Variants in MYO16 observed in about 807,000 individuals in gnomAD.
MYO16 encodes the protein myosin XVI, also known as unconventional myosin-XVI.
Under a neutral mutation model 205.3 loss-of-function variants are expected in MYO16, and 94 were observed. The observed-to-expected ratio is 0.46, with a 90% CI of 0.39 to 0.54. The LOEUF (loss-of-function observed/expected upper bound fraction) is 0.54. Ranked by LOEUF, MYO16 falls within the 20% of genes least tolerant of loss-of-function variation. The pLI is 0.00. For synonymous variants in MYO16, 988 were observed against 954.0 expected (o/e 1.04, Z -0.66); for missense variants, 2,315 against 2,387.5 (o/e 0.97, Z 0.63).
chr13:108,919,205 G>T (rs1466571699), intron 16 of MYO16, among the ~76,000 whole-genome samples: 3 of 152,210 alleles, frequency 2.0e-5, no homozygotes, highest in Non-Finnish European at 2.9e-5. Context: ...TTCTCCTGAG[G>T]CAGGGCAGGT....
chr13:109,166,280 T>C (rs776851905), intron 33 of MYO16, among the ~76,000 whole-genome samples: 10 of 152,170 alleles, frequency 6.6e-5, no homozygotes, highest in Non-Finnish European at 1.2e-4. Flanking sequence ...CAAATGGAAA[T>C]TCTGAAATTG....
At chr13:108,903,813 C>T (rs180724794) in intron 15 of MYO16, among the ~76,000 whole-genome samples, 5 of 152,276 alleles carry the variant, frequency 3.3e-5, no homozygotes, top group Admixed American at 3.3e-4. Flanking sequence ...AGTCAGTCCC[C>T]TGTAAAAGCA....
the MYO16 span, among the ~76,000 whole-genome samples, chr13:108,546,834 A>G: frequency 6.6e-6 from 1 of 152,224 alleles, no homozygotes; most frequent in South Asian, 2.1e-4. Context: ...TTTGCACAAC[A>G]TATTTCAGAA....
chr13:108,829,104 T>C (rs1393150940), intron 9 of MYO16, among the ~76,000 whole-genome samples: 2 of 152,128 alleles, frequency 1.3e-5, no homozygotes, highest in East Asian at 1.9e-4. Context: ...TTGGCTGGAA[T>C]CTAAAATGGG....
intron 28 of MYO16, among the ~76,000 whole-genome samples, chr13:109,106,515 C>T (rs1566508991): frequency 6.6e-6 from 1 of 152,116 alleles, no homozygotes; most frequent in Non-Finnish European, 1.5e-5. Flanking sequence ...ACCTCTGAAG[C>T]TAATTCTAAG....
chr13:109,023,543 G>T (rs1886202908), intron 23 of MYO16, among the ~76,000 whole-genome samples: 2 of 113,274 alleles, frequency 1.8e-5, no homozygotes, highest in African/African-American at 3.6e-5. Flanking sequence ...ACAATATATA[G>T]GTATATATTT....
At chr13:108,509,403 C>T in the MYO16 span, among the ~76,000 whole-genome samples, 9 of 152,200 alleles carry the variant, frequency 5.9e-5, no homozygotes, top group African/African-American at 2.2e-4. Flanking sequence ...AATCCTACTA[C>T]TCTATGGAAA....
intron 27 of MYO16, among the ~76,000 whole-genome samples, chr13:109,088,116 T>C (rs1303907408): frequency 6.6e-6 from 1 of 152,186 alleles, no homozygotes; most frequent in Non-Finnish European, 1.5e-5. Flanking sequence ...CTGCGACCAT[T>C]ATTTCAGCTC....
intron 9 of MYO16, among the ~76,000 whole-genome samples, chr13:108,831,616 G>A (rs529200613): frequency 6.6e-6 from 1 of 152,114 alleles, no homozygotes; most frequent in Non-Finnish European, 1.5e-5. Flanking sequence ...GGGTTCAAGC[G>A]ATTCTCTGGC....
the MYO16 span, among the ~76,000 whole-genome samples, chr13:108,510,204 C>T: frequency 6.6e-6 from 1 of 152,072 alleles, no homozygotes; most frequent in Admixed American, 6.5e-5. Flanking sequence ...GCAAGCTCTG[C>T]CTCCCGGGTT....
rs946168891 is a variant in MYO16, at chr13:108,785,781, T to C, written c.616+38T>C. ...TTTTAAAACCATAGAAAAAAATAGA[T>C]TGGGAGAATTGTAAGTGTGTATTCA... is the stretch of plus-strand genomic sequence containing the variant. On this transcript the variant is annotated intron_variant, in intron 5 of 34. Transcript: ENST00000457511. 4.6e-6 allele frequency: 6 copies of C among 1,298,618 alleles called. No homozygotes were observed. The African/African-American group carries it at 8.9e-5, about 19-fold the overall frequency. The allele number at this position is 1,298,618 out of a possible 1,614,324, so 80.4% of individuals were successfully genotyped here.
intron 1 of MYO16, among the ~76,000 whole-genome samples, chr13:108,622,761 A>G (rs966931117): frequency 2.0e-5 from 3 of 152,036 alleles, no homozygotes; most frequent in African/African-American, 7.2e-5. Context: ...GGAAACATGA[A>G]GTCGTGGATC....
Position 108,684,951 on chromosome 13 carries a change from A to G in MYO16, c.292+18802A>G, listed in dbSNP as rs1363479252. On this transcript the variant is annotated intron_variant, in intron 2 of 34. Coordinates refer to ENST00000457511, the MANE Select transcript of MYO16 (RefSeq NM_001198950.3). ...TATAGTAAATGGTAAACGTAAGTCAAGTGTTTCCCTGAGTTCTGGGAGTTG... is the reference window on the plus strand; with the variant it reads ...TATAGTAAATGGTAAACGTAAGTCAGGTGTTTCCCTGAGTTCTGGGAGTTG... 2.6e-5 allele frequency among the ~76,000 whole-genome samples: 4 copies of G among 151,922 alleles called. No individual in the cohort carries two copies. In the East Asian group the frequency reaches 5.8e-4, roughly 22 times the overall value.
chr13:108,759,684 G>C (rs531844033), intron 4 of MYO16, among the ~76,000 whole-genome samples: 2 of 150,674 alleles, frequency 1.3e-5, no homozygotes, highest in East Asian at 1.9e-4. Context: ...AGCCAGGCGT[G>C]GGGGCAGGCG....
At chr13:108,773,194 T>A (rs1279455201) in intron 4 of MYO16, among the ~76,000 whole-genome samples, 3 of 152,192 alleles carry the variant, frequency 2.0e-5, no homozygotes, top group Non-Finnish European at 4.4e-5. Context: ...CCCCACCTTC[T>A]GACATCATAA....
intron 13 of MYO16, among the ~76,000 whole-genome samples, chr13:108,887,636 G>GTGATGCCC (rs2139178866): frequency 6.6e-6 from 1 of 152,258 alleles, no homozygotes; most frequent in South Asian, 2.1e-4. Flanking sequence ...ATAAATAAAA[G>GTGATGCCC]TTCAGTGATC....
chr13:108,906,848 A>C (rs1301397787), intron 15 of MYO16, among the ~76,000 whole-genome samples: 1 of 152,218 alleles, frequency 6.6e-6, no homozygotes, highest in Non-Finnish European at 1.5e-5. Context: ...GATTGGCAGC[A>C]TCAGACTCCA....
rs540192382 is a variant in MYO16, at chr13:109,053,794, A to G, written c.3049-1252A>G. 6.4e-4 allele frequency among the ~76,000 whole-genome samples: 97 copies of G among 152,168 alleles called. 1 individual carries two copies. The highest frequency in any genetic ancestry group is 2.3e-3 in the African/African-American group (94 of 41,534). On this transcript the variant is annotated intron_variant, in intron 25 of 34. Coordinates refer to ENST00000457511, the MANE Select transcript of MYO16 (RefSeq NM_001198950.3). ...GCACAGCCACCCCTGTGGCCAGGAA[A>G]ATAGGATTTTCCCTACTCTTTAACT...
At chr13:109,008,024 T>TTTCCTTTTGGAA (rs1885457470) in intron 21 of MYO16, among the ~76,000 whole-genome samples, 1 of 152,200 alleles carries the variant, frequency 6.6e-6, no homozygotes, top group Admixed American at 6.5e-5. Flanking sequence ...AATGCTCAAA[T>TTTCCTTTTGGAA]ATATTTGAGA....
Sources: gnomAD v4.1 joint callset for allele counts (sites outside exome capture counted in the v4.1 genomes callset) on GRCh38, gnomAD v4.1.1 for gene constraint, MANE v1.5 for transcripts, NCBI Gene and HGNC (gene_info 2026-07-23, HGNC 2026-07-21) for gene names.